The following EPS15 variants were observed in gnomAD, a reference collection of about 807,000 sequenced individuals.
EPS15 encodes the protein epidermal growth factor receptor substrate 15.
EPS15 carries 72 observed loss-of-function variants against 113.8 expected under a neutral mutation model. The ratio of observed to expected loss-of-function variants is 0.63; its 90% CI spans 0.52 to 0.77. EPS15 has a LOEUF of 0.77. EPS15 is among the 30% of genes least tolerant of loss of function. The pLI, the probability that EPS15 is intolerant of heterozygous loss-of-function variation, is 0.00. For synonymous variants in EPS15, 344 were observed against 363.4 expected (o/e 0.95, Z 0.61); for missense variants, 1,048 against 1,045.8 (o/e 1.00, Z -0.03).
chr1:51,518,809 A>G (rs1350558669), intron 1 of EPS15, among the ~76,000 whole-genome samples: 3 of 151,388 alleles, frequency 2.0e-5, no homozygotes, highest in Non-Finnish European at 4.4e-5. Context: ...CGCGAGCTCA[A>G]CAGGAGCTCA....
At chr1:51,417,279 A>C (rs1289343884) in intron 13 of EPS15, among the ~76,000 whole-genome samples, 2 of 152,216 alleles carry the variant, frequency 1.3e-5, no homozygotes, top group Admixed American at 6.5e-5. Flanking sequence ...AGCTTCTTTT[A>C]CATGAGGGTA....
At chr1:51,372,899 A>T (rs894195725) in intron 21 of EPS15, 1 of 784,034 alleles carries the variant, frequency 1.3e-6, no homozygotes, top group Admixed American at 2.7e-5. Flanking sequence ...CCTGGAAAAA[A>T]CAGCCACAGG....
chr1:51,466,634 A>T (rs187427604), intron 5 of EPS15, among the ~76,000 whole-genome samples: 84 of 151,744 alleles, frequency 5.5e-4, no homozygotes, highest in African/African-American at 2.0e-3. Context: ...AAAAAAAAAT[A>T]AATAAATAAA....
chr1:51,435,356 G>T (rs1009671761), intron 12 of EPS15, among the ~76,000 whole-genome samples: 10 of 151,898 alleles, frequency 6.6e-5, no homozygotes, highest in Non-Finnish European at 1.2e-4. Context: ...ACCACGCCTG[G>T]CTAATTTTTG....
chr1:51,457,510 CTTTTTTTTTTT>C (rs34245440), intron 8 of EPS15: 2 of 70,728 alleles, frequency 2.8e-5, no homozygotes, highest in Non-Finnish European at 5.4e-5. Flanking sequence ...GGAATATTAT[CTTTTTTTTTTT>C]TTTTTTTTTT....
chr1:51,508,236 A>AGAG (rs781436438), intron 1 of EPS15, among the ~76,000 whole-genome samples: 13 of 92,626 alleles, frequency 1.4e-4, no homozygotes, highest in South Asian at 3.6e-4. Flanking sequence ...AAGAAAAGAA[A>AGAG]AGAAAGAGAG....
chr1:51,447,345 T>A (rs1186617545), intron 9 of EPS15, among the ~76,000 whole-genome samples: 1 of 152,226 alleles, frequency 6.6e-6, no homozygotes, highest in Non-Finnish European at 1.5e-5. Flanking sequence ...TACTTTTTTT[T>A]AAGAAATGAG....
chr1:51,501,640 A>C (rs970089260), intron 1 of EPS15, among the ~76,000 whole-genome samples: 2 of 151,584 alleles, frequency 1.3e-5, no homozygotes, highest in African/African-American at 4.8e-5. Context: ...CACCACGCCC[A>C]GCTAATTTTT....
In EPS15 at chr1:51,399,167, TA is replaced by T. The variant is rs749065259; in HGVS notation, c.1919-3del. The T allele has an allele frequency of 6.2e-7, 1 of 1,610,112 alleles. No individual in the cohort carries two copies. Among genetic ancestry groups the T allele is most frequent in the Non-Finnish European group, 8.5e-7 (1 of 1,178,868 alleles). On this transcript the variant is annotated splice_polypyrimidine_tract_variant and splice_region_variant and intron_variant, in intron 19 of 24. Transcript: ENST00000371733. ...TGAAAGGATCACCACCAAATGGATC[TA>T]AAAAAATAAGGCACGAATATAAGAG...
intron 1 of EPS15, among the ~76,000 whole-genome samples, chr1:51,489,662 T>C (rs1644196497): frequency 1.3e-5 from 2 of 152,136 alleles, no homozygotes; most frequent in African/African-American, 4.8e-5. Context: ...AAGAGTAGTA[T>C]TAATATCCCT....
Position 51,415,796 on chromosome 1 carries a change from CAAAAAAAAAAAAAAAAAAA to C in EPS15, c.1113+5971_1113+5989del, listed in dbSNP as rs55806131. Among the ~76,000 whole-genome samples, 173 of 21,998 alleles carry C rather than the reference CAAAAAAAAAAAAAAAAAAA, an allele frequency of 7.9e-3. 1 individual carries two copies. The highest frequency in any genetic ancestry group is 0.026 in the African/African-American group (155 of 5,930). 14.4% of individuals were successfully genotyped at this position (21,998 alleles called of 152,430 possible). On this transcript the variant is annotated intron_variant, in intron 13 of 24. Transcript: ENST00000371733. The stretch of plus-strand genomic sequence containing the variant: ...GGGCAACAAGAGCAAAACTCCGTCT[CAAAAAAAAAAAAAAAAAAA>C]AAAAAAAAAAAAAAAATTCCAACAC...
At chr1:51,480,231 G>T (rs1643995811) in intron 2 of EPS15, among the ~76,000 whole-genome samples, 1 of 152,182 alleles carries the variant, frequency 6.6e-6, no homozygotes, top group Non-Finnish European at 1.5e-5. Context: ...AATGAAACCA[G>T]CCTTTTCTGT....
chr1:51,475,783 G>T (rs1389106438), intron 2 of EPS15, among the ~76,000 whole-genome samples: 2 of 152,118 alleles, frequency 1.3e-5, no homozygotes, highest in African/African-American at 4.8e-5. Flanking sequence ...GTATTGCCTA[G>T]GTTTTCTTCT....
chr1:51,371,680 G>C (rs1236632179), intron 21 of EPS15, among the ~76,000 whole-genome samples: 1 of 152,064 alleles, frequency 6.6e-6, no homozygotes, highest in Admixed American at 6.6e-5. Context: ...AGTAAGATAA[G>C]GTTAATTTAT....
chr1:51,506,129 C>T (rs1570446684), intron 1 of EPS15, among the ~76,000 whole-genome samples: 1 of 152,184 alleles, frequency 6.6e-6, no homozygotes, highest in Non-Finnish European at 1.5e-5. Context: ...TCAGGTGATC[C>T]TCCCACCTCA....
Position 51,432,678 on chromosome 1 carries a change from A to G in EPS15, c.1040+7669T>C, listed in dbSNP as rs149838358. Reference sequence around the variant, plus strand: ...CTAGCCATATTTCAAGTGCTCAATCACCACACAGCTAGTGGCTACTATACT... The same window carrying G: ...CTAGCCATATTTCAAGTGCTCAATCGCCACACAGCTAGTGGCTACTATACT... On this transcript the variant is annotated intron_variant, in intron 12 of 24. Coordinates refer to ENST00000371733, the MANE Select transcript of EPS15 (RefSeq NM_001981.3). Among the ~76,000 whole-genome samples the G allele has an allele frequency of 2.3e-3, 355 of 152,272 alleles. 5 individuals are homozygous for G. Among genetic ancestry groups the G allele is most frequent in the Non-Finnish European group, 3.7e-4 (25 of 68,026 alleles).
chr1:51,421,954 C>A (rs1186643518), intron 12 of EPS15, 96 bp from the exon 13 acceptor site: 1 of 1,510,138 alleles, frequency 6.6e-7, no homozygotes, highest in Non-Finnish European at 8.9e-7. Context: ...TTTTTAAATA[C>A]ATAGTGAAAC....
chr1:51,461,521 T>TAAA lies in EPS15; in HGVS notation c.502-374_502-372dup, dbSNP rs34184025. ...GGCAACGGAGCTAGACACTGTTTCT[T>TAAA]AAAAAAAAAAAAAAAAAAAAAAAAA... On this transcript the variant is annotated intron_variant, in intron 7 of 24. Transcript: ENST00000371733. Among the ~76,000 whole-genome samples the TAAA allele has an allele frequency of 3.2e-3, 276 of 85,040 alleles. 9 individuals are homozygous for TAAA. The highest frequency in any genetic ancestry group is 0.018 in the Middle Eastern group (2 of 114). The allele number at this position is 85,040 out of a possible 152,430, so 55.8% of individuals were successfully genotyped here. A position where few individuals can be genotyped will look rare whatever the true frequency, so the allele number is the denominator to read the frequency against.
In EPS15 at chr1:51,471,727, A is replaced by G; in HGVS notation, c.176T>C (p.Leu59Ser). Residue 59 changes from leucine to serine, a missense_variant, in exon 4 of 25, where the codon TTA becomes TCA. By Grantham distance (145) the Leu-to-Ser change is moderately radical. Transcript: ENST00000371733. ...PDLILGKIWDLADTDGKGILN... is the reference protein window; with the variant it reads ...PDLILGKIWDSADTDGKGILN... ...GATACCTTTGCCATCTGTGTCGGCT[A>G]AATCCCAAATCTGAAATTTAGGGGG... 6.2e-7 allele frequency: 1 copy of G among 1,609,006 alleles called. No individual in the cohort carries two copies. Among genetic ancestry groups the G allele is most frequent in the Non-Finnish European group, 8.5e-7 (1 of 1,176,044 alleles).
Sources: gnomAD v4.1 joint callset for allele counts (sites outside exome capture counted in the v4.1 genomes callset) on GRCh38, gnomAD v4.1.1 for gene constraint, MANE v1.5 for transcripts, NCBI Gene and HGNC (gene_info 2026-07-23, HGNC 2026-07-21) for gene names.